Variants in MIDN observed in about 807,000 individuals in gnomAD.
The protein encoded by MIDN is midnolin, also known as midbrain nucleolar protein.
Under a neutral mutation model 46.1 loss-of-function variants are expected in MIDN, and 26 were observed. The observed-to-expected ratio is 0.56, with a 90% confidence interval of 0.41 to 0.78. The LOEUF (loss-of-function observed/expected upper bound fraction) is 0.78. Ranked by LOEUF, MIDN falls within the 30% of genes least tolerant of loss-of-function variation. MIDN has a pLI of 0.00. For missense variants in MIDN, 850 were observed against 771.8 expected (o/e 1.10, Z -1.20); for synonymous variants, 432 against 343.3 (o/e 1.26, Z -2.86).
chr19:1,253,918 G>T, intron 4 of MIDN, 36 bp from the exon 5 acceptor site: 1 of 1,368,632 alleles, frequency 7.3e-7, no homozygotes, highest in Non-Finnish European at 9.4e-7. Flanking sequence ...GCCAGGGAGG[G>T]GCAGGCCCCC....
rs1338231638 is a variant in MIDN at position 1,255,410 on chromosome 19, C to T, written c.986-12C>T. On this transcript the variant is annotated splice_polypyrimidine_tract_variant and intron_variant, in intron 7 of 8. Coordinates refer to ENST00000682408, the MANE Select transcript of MIDN (RefSeq NM_001388306.1). ...GCCCGTGCCGGGCACTCACGGCCACCTCTGCCCGCAGGCACGCTACACCCC... is the reference window on the plus strand; with the variant it reads ...GCCCGTGCCGGGCACTCACGGCCACTTCTGCCCGCAGGCACGCTACACCCC... 3.8e-6 allele frequency: 6 copies of T among 1,573,198 alleles called. No individual in the cohort carries two copies. Among genetic ancestry groups the T allele is most frequent in the Middle Eastern group, 1.8e-4 (1 of 5,514 alleles).
rs746625320 is a variant in MIDN, at chr19:1,254,468, C to T, written c.815C>T (p.Thr272Ile). ...TTCCGGTCCCACGCAGCCTCCACCA[C>T]CTGCCCGGAGGTGAGCCTGGGGAAG... is the stretch of plus-strand genomic sequence containing the variant. The part of the protein sequence containing the change: ...GSFRSHAAST[T>I]CPEQMDCSPT... The change falls in exon 6 of 9, where the codon ACC (threonine) becomes ATC (isoleucine). Residue 272 changes from threonine (T) to isoleucine (I), a missense_variant. Thr to Ile is a moderately conservative substitution (Grantham distance 89). Coordinates refer to ENST00000682408, the MANE Select transcript of MIDN (RefSeq NM_001388306.1). 8 of 1,556,594 alleles carry T rather than the reference C, an allele frequency of 5.1e-6. No individual in the cohort carries two copies. Among genetic ancestry groups the T allele is most frequent in the East Asian group, 4.7e-5 (2 of 42,554 alleles).
chr19:1,255,241 G>A (rs549598304), intron 7 of MIDN, among the ~76,000 whole-genome samples, 180 bp downstream of exon 7: 26 of 152,090 alleles, frequency 1.7e-4, no homozygotes, highest in African/African-American at 4.6e-4. Context: ...CCGGGGGGCC[G>A]CGGGTCACCA....
rs564717949 is a variant in MIDN, at chr19:1,252,531, G to C, written c.384+630G>C. ...TGGGGCTGGCCCTCACCCGGTTCCC[G>C]GTTTTGCTGCGGACTTTTTTTTTTT... On this transcript the variant is annotated intron_variant, in intron 4 of 8. Coordinates refer to ENST00000682408, the MANE Select transcript of MIDN (RefSeq NM_001388306.1). Among the ~76,000 whole-genome samples the C allele has an allele frequency of 2.0e-5, 3 of 152,286 alleles. No individual in the cohort carries two copies. In the East Asian group the frequency reaches 5.8e-4, roughly 29 times the overall value.
chr19:1,253,523 T>A (rs2081159805), intron 4 of MIDN, among the ~76,000 whole-genome samples: 1 of 149,162 alleles, frequency 6.7e-6, no homozygotes, highest in African/African-American at 2.4e-5. Flanking sequence ...ACACCCACCC[T>A]GAACGGGGGC....
At chr19:1,254,801 G>C (rs1235192370) in intron 6 of MIDN, 101 bp from the exon 7 acceptor site, 1 of 1,358,500 alleles carries the variant, frequency 7.4e-7, no homozygotes, top group Non-Finnish European at 1.0e-6. Flanking sequence ...GTGTTGACAG[G>C]TCATCTCCTG....
chr19:1,251,757 G>A lies in MIDN; in HGVS notation c.322-82G>A, dbSNP rs149633397. The stretch of plus-strand genomic sequence containing the variant: ...ACTACCTGGGGCCCCCACCCCGCCA[G>A]CCAGCAGGGCCCTCTCCACCCCCTA... On this transcript the variant is annotated intron_variant, in intron 3 of 8. Transcript: ENST00000682408. 1.2e-3 allele frequency: 1,849 copies of A among 1,532,032 alleles called. 11 individuals are homozygous for A. The Middle Eastern group carries it at 0.022, about 18-fold the overall frequency. The allele number at this position is 1,532,032 out of a possible 1,614,324, so 94.9% of individuals were successfully genotyped here.
intron 1 of MIDN, among the ~76,000 whole-genome samples, chr19:1,249,313 G>T (rs1176996886): frequency 6.7e-6 from 1 of 149,872 alleles, no homozygotes; most frequent in Non-Finnish European, 1.5e-5. Context: ...CCGGGGCCGC[G>T]GCCCTAGCCT....
At position 1,254,468 on chromosome 19, in the gene MIDN, C is replaced by G; in HGVS notation, c.815C>G (p.Thr272Ser). The G allele has an allele frequency of 6.4e-7, 1 of 1,556,712 alleles. No individual in the cohort carries two copies. Among genetic ancestry groups the G allele is most frequent in the Non-Finnish European group, 8.6e-7 (1 of 1,158,040 alleles). The change falls in exon 6 of 9, where the codon ACC (threonine) becomes AGC (serine). Residue 272 changes from threonine (T) to serine (S), a missense_variant. Transcript: ENST00000682408. The stretch of plus-strand genomic sequence containing the variant: ...TTCCGGTCCCACGCAGCCTCCACCA[C>G]CTGCCCGGAGGTGAGCCTGGGGAAG... ...GSFRSHAASTTCPEQMDCSPT... is the reference protein window; with the variant it reads ...GSFRSHAASTSCPEQMDCSPT...
At position 1,254,212 on chromosome 19, in the gene MIDN, C is replaced by T; in HGVS notation, c.559C>T (p.Arg187Cys). The change falls in exon 6 of 9, where the codon CGT (arginine) becomes TGT (cysteine). Residue 187 changes from arginine (R) to cysteine (C), a missense_variant. Arg to Cys is a radical substitution (Grantham distance 180). Coordinates refer to ENST00000682408, the MANE Select transcript of MIDN (RefSeq NM_001388306.1). ...CCGTTCGCCACTGACACTGGCCTTGCGTGTGGGCGACCACATGATGTTCGT... is the reference window on the plus strand; with the variant it reads ...CCGTTCGCCACTGACACTGGCCTTGTGTGTGGGCGACCACATGATGTTCGT... Reference protein sequence around the residue: ...SGRSPLTLALRVGDHMMFVQL... With the variant: ...SGRSPLTLALCVGDHMMFVQL... 3.1e-6 allele frequency: 5 copies of T among 1,598,296 alleles called. No individual in the cohort carries two copies. The highest frequency in any genetic ancestry group is 1.3e-5 in the African/African-American group (1 of 74,790).
intron 8 of MIDN, among the ~76,000 whole-genome samples, 192 bp downstream of exon 8, chr19:1,255,886 T>G (rs1414656303): frequency 6.6e-6 from 1 of 152,216 alleles, no homozygotes; most frequent in Admixed American, 6.5e-5. Context: ...AGTGTCCTTG[T>G]GTGCTCCCGG....
Position 1,253,913 on chromosome 19 carries a change from G to A in MIDN, c.385-41G>A. 4 of 1,364,758 alleles carry A rather than the reference G, an allele frequency of 2.9e-6. 1 individual carries two copies. The South Asian group carries it at 6.6e-5, about 23-fold the overall frequency. The allele number at this position is 1,364,758 out of a possible 1,614,324, so 84.5% of individuals were successfully genotyped here. A position where few individuals can be genotyped will look rare whatever the true frequency, so the allele number is the denominator to read the frequency against. ...TTGCAAGACCGACCTAGTTGGCCAG[G>A]GAGGGGCAGGCCCCCGTCTGACCCG... On this transcript the variant is annotated intron_variant, in intron 4 of 8. Coordinates refer to ENST00000682408, the MANE Select transcript of MIDN (RefSeq NM_001388306.1).
intron 4 of MIDN, among the ~76,000 whole-genome samples, chr19:1,252,897 C>T (rs916637216): frequency 6.6e-6 from 1 of 152,006 alleles, no homozygotes; most frequent in Non-Finnish European, 1.5e-5. Flanking sequence ...CGAGCCAGGG[C>T]GGGGGCTGCA....
At position 1,258,414 on chromosome 19, in the gene MIDN, C is replaced by T. The variant is rs2081228093; in HGVS notation, c.*1142C>T. ...CTGGTCTAATTTGGACCCCCTGCCTCTCAGTGCCCCTGCCCTAGGGGTGTC... is the reference window on the plus strand; with the variant it reads ...CTGGTCTAATTTGGACCCCCTGCCTTTCAGTGCCCCTGCCCTAGGGGTGTC... On this transcript the variant is annotated 3_prime_UTR_variant, in exon 9 of 9. Transcript: ENST00000682408. The T allele has an allele frequency of 6.6e-6, 1 of 152,586 alleles. No homozygotes were observed. The highest frequency in any genetic ancestry group is 2.1e-4 in the South Asian group (1 of 4,844). The allele number at this position is 152,586 out of a possible 1,614,324, so 9.5% of individuals were successfully genotyped here. A position where few individuals can be genotyped will look rare whatever the true frequency, so the allele number is the denominator to read the frequency against.
chr19:1,250,248 C>T lies in MIDN; in HGVS notation c.-49C>T. 1.2e-6 allele frequency: 1 copy of T among 824,868 alleles called. No homozygotes were observed. The highest frequency in any genetic ancestry group is 1.5e-6 in the Non-Finnish European group (1 of 684,210). The allele number at this position is 824,868 out of a possible 1,614,324, so 51.1% of individuals were successfully genotyped here. A position where few individuals can be genotyped will look rare whatever the true frequency, so the allele number is the denominator to read the frequency against. On this transcript the variant is annotated 5_prime_UTR_variant, in exon 2 of 9. Transcript: ENST00000682408. ...TCTCGCCCCTGTCCCGGAGGCGCGG[C>T]GAGGATTGGCGGCGCCCGCCGCCCC...
chr19:1,255,587 C>G lies in MIDN; in HGVS notation c.1151C>G (p.Pro384Arg), dbSNP rs916497220. 5.0e-6 allele frequency: 8 copies of G among 1,610,586 alleles called. No individual in the cohort carries two copies. The highest frequency in any genetic ancestry group is 1.7e-5 in the Admixed American group (1 of 59,940). The change falls in exon 8 of 9, where the codon CCG (proline) becomes CGG (arginine). Residue 384 changes from proline to arginine, a missense_variant. Coordinates refer to ENST00000682408, the MANE Select transcript of MIDN (RefSeq NM_001388306.1). The stretch of plus-strand genomic sequence containing the variant: ...CACGCCCAGTGCTCCCCGGCCTCAC[C>G]GGCCCCCGACCTGGCCCCCAGAACT... The part of the protein sequence containing the change: ...RCHAQCSPAS[P>R]APDLAPRTTS...
At chr19:1,249,518 C>A (rs1021001612) in intron 1 of MIDN, among the ~76,000 whole-genome samples, 3 of 150,046 alleles carry the variant, frequency 2.0e-5, no homozygotes, top group Admixed American at 6.6e-5. Context: ...GTACCAGACC[C>A]GTCTCCAGAC....
In MIDN at chr19:1,257,251, G is replaced by C; in HGVS notation, c.1515G>C (p.Lys505Asn). The change falls in exon 9 of 9, where the codon AAG (lysine) becomes AAC (asparagine). Residue 505 changes from lysine (K) to asparagine (N), a missense_variant. Coordinates refer to ENST00000682408, the MANE Select transcript of MIDN (RefSeq NM_001388306.1). The stretch of plus-strand genomic sequence containing the variant: ...AGCCAGAAGTCAACCCTGACATCAA[G>C]TCAGAGTTCGTGGTGGCTTAGGATC... The part of the protein sequence containing the change: ...VWKPEVNPDI[K>N]SEFVVA 6.2e-7 allele frequency: 1 copy of C among 1,612,144 alleles called. No homozygotes were observed. The highest frequency in any genetic ancestry group is 8.5e-7 in the Non-Finnish European group (1 of 1,179,680).
chr19:1,250,279 C>G lies in MIDN; in HGVS notation c.-18C>G. The G allele has an allele frequency of 1.0e-6, 1 of 958,916 alleles. No homozygotes were observed. Among genetic ancestry groups the G allele is most frequent in the Non-Finnish European group, 1.2e-6 (1 of 806,576 alleles). The allele number at this position is 958,916 out of a possible 1,614,324, so 59.4% of individuals were successfully genotyped here. A position where few individuals can be genotyped will look rare whatever the true frequency, so the allele number is the denominator to read the frequency against. On this transcript the variant is annotated 5_prime_UTR_variant, in exon 2 of 9. Coordinates refer to ENST00000682408, the MANE Select transcript of MIDN (RefSeq NM_001388306.1). Reference sequence around the variant, plus strand: ...TTGGCGGCGCCCGCCGCCCCCAGCCCCCCAGCGCGCGCCGGGGATGGAGCC... The same window carrying G: ...TTGGCGGCGCCCGCCGCCCCCAGCCGCCCAGCGCGCGCCGGGGATGGAGCC...
Sources: gnomAD v4.1 joint callset for allele counts (sites outside exome capture counted in the v4.1 genomes callset) on GRCh38, gnomAD v4.1.1 for gene constraint, MANE v1.5 for transcripts, NCBI Gene and HGNC (gene_info 2026-07-23, HGNC 2026-07-21) for gene names.